CTNNA1: variants seen among roughly 807,000 people sequenced by gnomAD.
The protein encoded by CTNNA1 is catenin alpha-1.
Under a neutral mutation model 98.4 loss-of-function variants are expected in CTNNA1, and 37 were observed. The observed-to-expected ratio is 0.38, with a 90% CI of 0.29 to 0.49. The LOEUF (loss-of-function observed/expected upper bound fraction) is 0.49, where lower values mean the gene tolerates loss of function less well. Ranked by LOEUF, CTNNA1 falls within the 20% of genes least tolerant of loss-of-function variation. The pLI is 0.95. For synonymous variants in CTNNA1, 404 were observed against 413.2 expected (o/e 0.98, Z 0.27); for missense variants, 761 against 1,147.2 (o/e 0.66, Z 4.86).
chr5:138,804,379 A>G lies in CTNNA1; in HGVS notation c.302-5659A>G, dbSNP rs561478907. On this transcript the variant is annotated intron_variant, in intron 3 of 17. Coordinates refer to ENST00000302763, the MANE Select transcript of CTNNA1 (RefSeq NM_001903.5). Reference sequence around the variant, plus strand: ...ATTCAGTGGTTTTTAGTATATTATTAGGTTGTGCAGCCATCACCACTGTGT... The same window carrying G: ...ATTCAGTGGTTTTTAGTATATTATTGGGTTGTGCAGCCATCACCACTGTGT... 8.2e-4 allele frequency among the ~76,000 whole-genome samples: 124 copies of G among 151,752 alleles called. 1 individual carries two copies. Among genetic ancestry groups the G allele is most frequent in the African/African-American group, 2.9e-3 (119 of 41,360 alleles).
At chr5:138,842,821 T>C (rs1050060545) in intron 7 of CTNNA1, among the ~76,000 whole-genome samples, 15 of 152,224 alleles carry the variant, frequency 9.9e-5, no homozygotes, top group African/African-American at 3.4e-4. Context: ...AAATTTCTAA[T>C]CATGGCAGTT....
intron 3 of CTNNA1, among the ~76,000 whole-genome samples, chr5:138,798,763 G>C (rs1300434533): frequency 2.0e-5 from 3 of 152,162 alleles, no homozygotes; most frequent in Non-Finnish European, 2.9e-5. Flanking sequence ...TTTCATGGCA[G>C]ATGGTACAGT....
chr5:138,924,491 C>T lies in CTNNA1; in HGVS notation c.1547-19C>T. 1 of 1,613,558 alleles carries T rather than the reference C, an allele frequency of 6.2e-7. No homozygotes were observed. The stretch of plus-strand genomic sequence containing the variant: ...ATAGAAAGCCTCCTTCCTCATTCAA[C>T]TTTTTGCTTGTTCTCCAGAGAATCA... On this transcript the variant is annotated intron_variant, in intron 11 of 17. Coordinates refer to ENST00000302763, the MANE Select transcript of CTNNA1 (RefSeq NM_001903.5).
chr5:138,873,566 C>T lies in CTNNA1; in HGVS notation c.1063-12646C>T, dbSNP rs1038326021. ...GTGGCATAGGATGGAGTGTTCCCAC[C>T]GACCTTGGAAACTGCCCAGCCAGGA... On this transcript the variant is annotated intron_variant, in intron 7 of 17. Transcript: ENST00000302763. This position sits in a 1 kb window ranked among gnomAD's most constrained non-coding sequence, Gnocchi z 6.1. 8 of 1,613,844 alleles carry T rather than the reference C, an allele frequency of 5.0e-6. No homozygotes were observed. The highest frequency in any genetic ancestry group is 4.0e-5 in the African/African-American group (3 of 74,918).
chr5:138,913,677 C>G (rs1044888060), intron 10 of CTNNA1, among the ~76,000 whole-genome samples: 2 of 151,658 alleles, frequency 1.3e-5, no homozygotes, highest in African/African-American at 4.8e-5. Flanking sequence ...ACAGTTTTTC[C>G]TATTATTTTC....
intron 7 of CTNNA1, among the ~76,000 whole-genome samples, chr5:138,850,316 A>G (rs1243235526): frequency 2.0e-5 from 3 of 152,170 alleles, no homozygotes; most frequent in Non-Finnish European, 2.9e-5. Context: ...GCATCAGCTT[A>G]TAGTCCCTTA....
In CTNNA1 at chr5:138,874,544, T is replaced by G. The variant is rs1251667910; in HGVS notation, c.1063-11668T>G. ...CAGCATAGGGGCCCCTAATGGCCAC[T>G]TGAAATGTAAGCCTGCAGAATATAA... is the stretch of plus-strand genomic sequence containing the variant. On this transcript the variant is annotated intron_variant, in intron 7 of 17. Transcript: ENST00000302763. This position sits in a 1 kb window ranked among gnomAD's most constrained non-coding sequence, Gnocchi z 4.1. 1 of 1,564,612 alleles carries G rather than the reference T, an allele frequency of 6.4e-7. No homozygotes were observed. Among genetic ancestry groups the G allele is most frequent in the Non-Finnish European group, 8.7e-7 (1 of 1,150,400 alleles).
intron 7 of CTNNA1, among the ~76,000 whole-genome samples, chr5:138,880,492 G>A (rs1050187297): frequency 4.6e-5 from 7 of 152,110 alleles, no homozygotes; most frequent in African/African-American, 1.2e-4. Context: ...CAACCTCCCC[G>A]CCGCCCCTTT....
intron 9 of CTNNA1, among the ~76,000 whole-genome samples, chr5:138,902,714 C>T (rs1365627617): frequency 2.0e-5 from 3 of 152,280 alleles, no homozygotes; most frequent in East Asian, 1.9e-4. Flanking sequence ...CCACCGTGCC[C>T]GGTACACCAG....
intron 7 of CTNNA1, among the ~76,000 whole-genome samples, chr5:138,865,331 A>G (rs1005075100): frequency 6.6e-6 from 1 of 152,310 alleles, no homozygotes; most frequent in East Asian, 1.9e-4. Flanking sequence ...AGGTCATCAC[A>G]GAGTGCGCAG....
intron 7 of CTNNA1, among the ~76,000 whole-genome samples, chr5:138,885,556 C>G (rs1172385455): frequency 1.3e-5 from 2 of 152,118 alleles, no homozygotes; most frequent in African/African-American, 4.8e-5. Context: ...GACTCAGCAC[C>G]TTGACCTCTG....
chr5:138,762,976 G>T, intron 1 of CTNNA1, among the ~76,000 whole-genome samples: 1 of 151,638 alleles, frequency 6.6e-6, no homozygotes, highest in East Asian at 1.9e-4. Flanking sequence ...GCTTAGTTTT[G>T]ACTATTTGAT....
At chr5:138,774,724 C>T (rs1037243851) in intron 1 of CTNNA1, among the ~76,000 whole-genome samples, 13 of 151,974 alleles carry the variant, frequency 8.6e-5, no homozygotes, top group Non-Finnish European at 1.5e-4. Flanking sequence ...CGGGTTCACG[C>T]CATTCTCCTG....
At chr5:138,859,193 T>C (rs1413266647) in intron 7 of CTNNA1, among the ~76,000 whole-genome samples, 1 of 152,230 alleles carries the variant, frequency 6.6e-6, no homozygotes, top group Non-Finnish European at 1.5e-5. Flanking sequence ...AAGCTGACCA[T>C]ATTCCTATTT....
At chr5:138,918,201 G>A (rs903865234) in intron 11 of CTNNA1, among the ~76,000 whole-genome samples, 3 of 151,930 alleles carry the variant, frequency 2.0e-5, no homozygotes, top group Non-Finnish European at 2.9e-5. Context: ...ATAGAGTGAG[G>A]TCTTTCAACT....
At chr5:138,870,840 G>GT (rs1164550235) in intron 7 of CTNNA1, 1 of 152,160 alleles carries the variant, frequency 6.6e-6, no homozygotes, top group African/African-American at 2.4e-5. Flanking sequence ...CAGCCTGTCT[G>GT]TGGGGAAGTA....
chr5:138,811,093 G>T (rs1166886073), intron 4 of CTNNA1, among the ~76,000 whole-genome samples: 1 of 151,816 alleles, frequency 6.6e-6, no homozygotes, highest in Non-Finnish European at 1.5e-5. Context: ...TGTGGTTGCC[G>T]GGCGGAGGGG....
At chr5:138,875,512 T>C in intron 7 of CTNNA1, 4 of 985,476 alleles carry the variant, frequency 4.1e-6, no homozygotes, top group Non-Finnish European at 4.8e-6. Flanking sequence ...GAAGAACTCC[T>C]GACTTAAAAA....
At chr5:138,886,875 T>C (rs989303685) in intron 8 of CTNNA1, among the ~76,000 whole-genome samples, 2 of 152,190 alleles carry the variant, frequency 1.3e-5, no homozygotes, top group African/African-American at 4.8e-5. Flanking sequence ...TATAAAGCAA[T>C]GTATTAAGAC....
Sources: gnomAD v4.1 joint callset for allele counts (sites outside exome capture counted in the v4.1 genomes callset) on GRCh38, gnomAD v4.1.1 for gene constraint, Gnocchi (gnomAD v3.1) non-coding constraint, MANE v1.5 for transcripts, NCBI Gene and HGNC (gene_info 2026-07-23, HGNC 2026-07-21) for gene names.